The following CSMD3 variants were observed in gnomAD, a reference collection of about 807,000 sequenced individuals.
CSMD3 encodes the protein CUB and sushi domain-containing protein 3.
In CSMD3, 177 loss-of-function variants were observed where a neutral mutation model predicts 435.2. The observed-to-expected ratio is 0.41, with a 90% CI of 0.36 to 0.46. The LOEUF is 0.46. CSMD3 is among the 20% of genes least tolerant of loss of function. The probability of loss-of-function intolerance (pLI) is 0.34; values close to 1 mark genes in which losing one functional copy is unlikely to be tolerated. For synonymous variants in CSMD3, 1,656 were observed against 1,520.5 expected, an observed-to-expected ratio of 1.09 and a Z score of -2.07; for missense variants, 4,265 against 4,504.6, an observed-to-expected ratio of 0.95 and a Z score of 1.52.
At chr8:112,641,676 A>G (rs1181113922) in intron 20 of CSMD3, among the ~76,000 whole-genome samples, 2 of 152,032 alleles carry the variant, frequency 1.3e-5, no homozygotes, top group Non-Finnish European at 2.9e-5. Context: ...AACTCTACAA[A>G]AAAATACAAA....
At chr8:112,917,975 A>G (rs2082622243) in intron 10 of CSMD3, among the ~76,000 whole-genome samples, 1 of 151,722 alleles carries the variant, frequency 6.6e-6, no homozygotes, top group Non-Finnish European at 1.5e-5. Context: ...CCCACATATT[A>G]TTTTCTCCAA....
intron 3 of CSMD3, among the ~76,000 whole-genome samples, chr8:113,246,965 G>A (rs527881049): frequency 6.6e-6 from 1 of 152,284 alleles, no homozygotes; most frequent in Admixed American, 6.5e-5. Flanking sequence ...CTCTGCCTTA[G>A]CTTCACTTCC....
At chr8:113,306,138 GAAAT>G (rs531797322) in intron 2 of CSMD3, among the ~76,000 whole-genome samples, 272 of 152,070 alleles carry the variant, frequency 1.8e-3, no homozygotes, top group African/African-American at 6.1e-3. Flanking sequence ...TATTTATTGA[GAAAT>G]AATAAATAAT....
chr8:113,004,807 A>G (rs1488430148), intron 6 of CSMD3, among the ~76,000 whole-genome samples: 3 of 151,890 alleles, frequency 2.0e-5, no homozygotes, highest in African/African-American at 7.2e-5. Context: ...TTATTTATTT[A>G]TGGTTGAAAT....
At position 112,314,485 on chromosome 8, in the gene CSMD3, A is replaced by T. The variant is rs1822274644; in HGVS notation, c.7493T>A (p.Met2498Lys). 1.2e-6 allele frequency: 2 copies of T among 1,612,554 alleles called. No individual in the cohort carries two copies. The part of the protein sequence containing the change: ...ISVEKGYNIT[M>K]FVEFFQTEKE... ...TTCTGTCTGGAAGAATTCTACAAACATGGTGATATTATAACCCTTTTCCAC... is the reference window on the plus strand; with the variant it reads ...TTCTGTCTGGAAGAATTCTACAAACTTGGTGATATTATAACCCTTTTCCAC... The change falls in exon 48 of 71, where the codon ATG becomes AAG. Residue 2498 changes from methionine (M) to lysine (K), a missense_variant. This residue lies in a region of CSMD3 where 3,255 missense variants were observed against 3,380.2 expected (regional missense o/e 0.96). Transcript: ENST00000297405.
chr8:112,859,502 G>C (rs566269673), intron 10 of CSMD3, among the ~76,000 whole-genome samples: 1 of 151,630 alleles, frequency 6.6e-6, no homozygotes, highest in African/African-American at 2.4e-5. Flanking sequence ...AGAAATTTGA[G>C]GGCATGATAA....
At chr8:112,324,792 T>C (rs1287033104) in intron 45 of CSMD3, among the ~76,000 whole-genome samples, 1 of 152,054 alleles carries the variant, frequency 6.6e-6, no homozygotes, top group African/African-American at 2.4e-5. Flanking sequence ...CTTTAAAAGA[T>C]CACTCTGGCT....
In CSMD3 at chr8:112,812,591, C is replaced by T. The variant is rs575116957; in HGVS notation, c.1860-12317G>A. On this transcript the variant is annotated intron_variant, in intron 12 of 70. Transcript: ENST00000297405. Reference sequence around the variant, plus strand: ...TCTGCTCTAAAATTTGCCTCGGTCTCTCACTCTGCTTTATGCCTCTCTGTT... The same window carrying T: ...TCTGCTCTAAAATTTGCCTCGGTCTTTCACTCTGCTTTATGCCTCTCTGTT... 1.7e-3 allele frequency among the ~76,000 whole-genome samples: 252 copies of T among 152,308 alleles called. 1 individual carries two copies. Among genetic ancestry groups the T allele is most frequent in the African/African-American group, 5.9e-3 (244 of 41,568 alleles).
At chr8:112,272,890 G>A (rs1262465953) in intron 59 of CSMD3, among the ~76,000 whole-genome samples, 1 of 151,986 alleles carries the variant, frequency 6.6e-6, no homozygotes, top group Non-Finnish European at 1.5e-5. Flanking sequence ...TACGCTTTTG[G>A]TTTGGATTGT....
chr8:113,240,509 A>G (rs1011255865), intron 3 of CSMD3, among the ~76,000 whole-genome samples: 1 of 152,098 alleles, frequency 6.6e-6, no homozygotes, highest in African/African-American at 2.4e-5. Flanking sequence ...CCACAACCTC[A>G]CTAGGCTAAG....
intron 35 of CSMD3, among the ~76,000 whole-genome samples, chr8:112,404,192 G>C (rs1402047930): frequency 6.6e-6 from 1 of 151,772 alleles, no homozygotes; most frequent in Non-Finnish European, 1.5e-5. Flanking sequence ...GATTTAAATG[G>C]TAAAAAAAAT....
intron 12 of CSMD3, among the ~76,000 whole-genome samples, chr8:112,809,475 C>CAA (rs1490800368): frequency 6.6e-6 from 1 of 152,136 alleles, no homozygotes. Flanking sequence ...GCTCTGAACT[C>CAA]AACTGAAAGA....
At chr8:113,118,792 A>T (rs1384732870) in intron 4 of CSMD3, among the ~76,000 whole-genome samples, 1 of 152,170 alleles carries the variant, frequency 6.6e-6, no homozygotes, top group Non-Finnish European at 1.5e-5. Context: ...CAGTAAGAAG[A>T]TTCCAGCAAG....
chr8:112,514,615 C>T (rs1453271661), intron 28 of CSMD3, among the ~76,000 whole-genome samples: 3 of 151,942 alleles, frequency 2.0e-5, no homozygotes, highest in Admixed American at 2.0e-4. Context: ...TTCTACTTTC[C>T]CGGGGGCAAT....
At chr8:112,872,389 G>A (rs1387785922) in intron 10 of CSMD3, among the ~76,000 whole-genome samples, 2 of 151,988 alleles carry the variant, frequency 1.3e-5, no homozygotes, top group East Asian at 1.9e-4. Flanking sequence ...TGCACCCGAA[G>A]TAGGGAACTC....
At position 112,622,290 on chromosome 8, in the gene CSMD3, G is replaced by A. The variant is rs931068384; in HGVS notation, c.3715+14527C>T. ...TTACTGTTCTGCCCCATGATGTTAT[G>A]TATGGGGTATTAGAACCCCTTCCTA... is the stretch of plus-strand genomic sequence containing the variant. On this transcript the variant is annotated intron_variant, in intron 22 of 70. Transcript: ENST00000297405. Among the ~76,000 whole-genome samples, 12 of 152,126 alleles carry A rather than the reference G, an allele frequency of 7.9e-5. 1 individual carries two copies. Among genetic ancestry groups the A allele is most frequent in the Admixed American group, 7.9e-4 (12 of 15,258 alleles).
chr8:112,373,178 A>T (rs1386005172), intron 38 of CSMD3, among the ~76,000 whole-genome samples: 1 of 151,820 alleles, frequency 6.6e-6, no homozygotes, highest in Non-Finnish European at 1.5e-5. Context: ...GTAAGAGTCT[A>T]CTTTCTTGGA....
chr8:112,377,722 A>G (rs1586922280), intron 38 of CSMD3, among the ~76,000 whole-genome samples: 1 of 152,158 alleles, frequency 6.6e-6, no homozygotes, highest in East Asian at 1.9e-4. Context: ...GATATATTAC[A>G]TTAACAGAGT....
intron 30 of CSMD3, among the ~76,000 whole-genome samples, chr8:112,503,414 C>T (rs62516490): frequency 0.033 from 4,955 of 152,298 alleles, 135 homozygotes; most frequent in Non-Finnish European, 0.053. Flanking sequence ...TTATCGTCTA[C>T]GTTGTTCCCT....
Sources: gnomAD v4.1 joint callset for allele counts (sites outside exome capture counted in the v4.1 genomes callset) on GRCh38, gnomAD v4.1.1 for gene constraint, gnomAD v4.1.1 regional missense constraint, MANE v1.5 for transcripts, NCBI Gene and HGNC (gene_info 2026-07-23, HGNC 2026-07-21) for gene names.